The following KMT5B variants were observed in gnomAD, a reference collection of about 807,000 sequenced individuals.
The protein encoded by KMT5B is histone-lysine N-methyltransferase KMT5B.
KMT5B carries 10 observed loss-of-function variants against 83.2 expected under a neutral mutation model. The ratio of observed to expected loss-of-function variants is 0.12; its 90% confidence interval spans 0.07 to 0.20. KMT5B has a LOEUF of 0.20. Among genes scored for constraint, KMT5B ranks in the 10% least tolerant of loss-of-function variants. The probability of loss-of-function intolerance (pLI) is 1.00; values close to 1 mark genes in which losing one functional copy is unlikely to be tolerated. For synonymous variants in KMT5B, 349 were observed against 388.8 expected, an observed-to-expected ratio of 0.90 and a Z score of 1.20; for missense variants, 753 against 1,067.2, an observed-to-expected ratio of 0.71 and a Z score of 4.10.
Position 68,158,867 on chromosome 11 carries a change from A to G in KMT5B, c.1479T>C (p.Asp493=). The change falls in exon 11 of 11, where the codon GAT becomes GAC. Residue 493 remains aspartate (D), a synonymous_variant. Transcript: ENST00000304363. ...VLYKNLPIKK[D]KEPEGPAQAA... The stretch of plus-strand genomic sequence containing the variant: ...CTTGGGCTGGTCCCTCTGGCTCCTT[A>G]TCTTTTTTAATGGGCAAATTTTTAT... The G allele has an allele frequency of 6.2e-7, 1 of 1,614,098 alleles. No individual in the cohort carries two copies. The highest frequency in any genetic ancestry group is 8.5e-7 in the Non-Finnish European group (1 of 1,180,042).
Position 68,166,853 on chromosome 11 carries a change from G to A in KMT5B, c.1174+129C>T, listed in dbSNP as rs146916237. 79 of 1,473,934 alleles carry A rather than the reference G, an allele frequency of 5.4e-5. No individual in the cohort carries two copies. The African/African-American group carries it at 9.6e-4, about 18-fold the overall frequency. 91.3% of individuals were successfully genotyped at this position (1,473,934 alleles called of 1,614,324 possible). Reference sequence around the variant, plus strand: ...CAAATCACGTCTAGAGCCTTGAAGTGCAGCCAAAGCTCACAAGTCCCAGTC... The same window carrying A: ...CAAATCACGTCTAGAGCCTTGAAGTACAGCCAAAGCTCACAAGTCCCAGTC... On this transcript the variant is annotated intron_variant, in intron 10 of 10. Transcript: ENST00000304363.
At chr11:68,170,792 A>G (rs1451370847) in intron 9 of KMT5B, among the ~76,000 whole-genome samples, 1 of 152,160 alleles carries the variant, frequency 6.6e-6, no homozygotes, top group East Asian at 1.9e-4. Context: ...TGGTAATATT[A>G]AGATTTTAAA....
intron 10 of KMT5B, among the ~76,000 whole-genome samples, chr11:68,165,183 C>T (rs548146564): frequency 2.0e-5 from 3 of 152,256 alleles, no homozygotes; most frequent in Admixed American, 6.5e-5. Flanking sequence ...GATGGCAGCA[C>T]GAACCTAAGT....
chr11:68,161,620 A>G (rs1854877682), intron 10 of KMT5B, among the ~76,000 whole-genome samples: 1 of 151,706 alleles, frequency 6.6e-6, no homozygotes, highest in African/African-American at 2.4e-5. Flanking sequence ...CCCAGCACAC[A>G]CTCCTCAGCC....
In KMT5B at chr11:68,175,066, G is replaced by A. The variant is rs745536937; in HGVS notation, c.495C>T (p.His165=). 2.5e-6 allele frequency: 4 copies of A among 1,613,966 alleles called. No individual in the cohort carries two copies. In the South Asian group the frequency reaches 4.4e-5, roughly 18 times the overall value. ...GCATTTTATTCTTGTTGAGAAAATAGTGCCGTGCCCATTCGCCTGAAGTCA... is the reference window on the plus strand; with the variant it reads ...GCATTTTATTCTTGTTGAGAAAATAATGCCGTGCCCATTCGCCTGAAGTCA... ...KCLTSGEWAR[H]YFLNKNKMQE... Residue 165 remains histidine (H), a synonymous_variant, in exon 5 of 11, where the codon CAC becomes CAT. Coordinates refer to ENST00000304363, the MANE Select transcript of KMT5B (RefSeq NM_017635.5).
intron 6 of KMT5B, among the ~76,000 whole-genome samples, chr11:68,172,918 G>A (rs866422491): frequency 9.2e-5 from 14 of 152,154 alleles, no homozygotes; most frequent in Admixed American, 3.9e-4. Context: ...AATATCAGAG[G>A]GTGGGTACAT....
intron 9 of KMT5B, 60 bp downstream of exon 9, chr11:68,170,954 TC>T: frequency 6.7e-7 from 1 of 1,484,776 alleles, no homozygotes; most frequent in Admixed American, 2.5e-5. Context: ...GTGAGTTTAA[TC>T]CCCATAATCA....
At chr11:68,169,992 C>T (rs569909337) in intron 9 of KMT5B, among the ~76,000 whole-genome samples, 31 of 152,302 alleles carry the variant, frequency 2.0e-4, no homozygotes, top group Middle Eastern at 3.4e-3. Context: ...GGGATGGCTA[C>T]GGTAGCACTG....
At chr11:68,194,488 C>T (rs571476480) in intron 1 of KMT5B, among the ~76,000 whole-genome samples, 13 of 152,208 alleles carry the variant, frequency 8.5e-5, no homozygotes, top group Admixed American at 2.6e-4. Flanking sequence ...CCATTGTGCC[C>T]GGCCAAGTGT....
upstream of KMT5B, chr11:68,213,609 C>T (rs1398340074): frequency 2.0e-5 from 3 of 153,694 alleles, no homozygotes; most frequent in East Asian, 1.9e-4. Context: ...TGCCCTGCCG[C>T]CCGCACCGCC....
intron 1 of KMT5B, among the ~76,000 whole-genome samples, 169 bp downstream of exon 1, chr11:68,212,969 A>G (rs1159380479): frequency 5.8e-5 from 7 of 120,526 alleles, no homozygotes; most frequent in African/African-American, 2.2e-4. Context: ...GCCCGGCCGC[A>G]GCCCCGCCCC....
At position 68,158,419 on chromosome 11, in the gene KMT5B, G is replaced by A. The variant is rs1859457405; in HGVS notation, c.1927C>T (p.Pro643Ser). ...HDSPGKDDAV[P>S]DLMGPHSDQG... ...TCAGAATGGGGACCCATCAAATCTGGTACCGCGTCGTCTTTTCCAGGAGAA... is the reference window on the plus strand; with the variant it reads ...TCAGAATGGGGACCCATCAAATCTGATACCGCGTCGTCTTTTCCAGGAGAA... The change falls in exon 11 of 11, where the codon CCA (proline) becomes TCA (serine). Residue 643 changes from proline to serine, a missense_variant. This residue lies in a region of KMT5B where 397 missense variants were observed against 395.9 expected (regional missense o/e 1.00). Transcript: ENST00000304363. 1 of 1,614,068 alleles carries A rather than the reference G, an allele frequency of 6.2e-7. No individual in the cohort carries two copies. The highest frequency in any genetic ancestry group is 8.5e-7 in the Non-Finnish European group (1 of 1,179,980).
In KMT5B at chr11:68,173,845, T is replaced by A; in HGVS notation, c.612A>T (p.Ser204=). The change falls in exon 6 of 11, where the codon TCA becomes TCT. Residue 204 remains serine, a synonymous_variant. Transcript: ENST00000304363. Reference sequence around the variant, plus strand: ...CTATTTTGGCTCCATTTTGTTCTGATGAGTATCTATTACATGGCAATATTT... The same window carrying A: ...CTATTTTGGCTCCATTTTGTTCTGAAGAGTATCTATTACATGGCAATATTT... ...GFEILPCNRY[S]SEQNGAKIVA... 1 of 1,613,080 alleles carries A rather than the reference T, an allele frequency of 6.2e-7. No individual in the cohort carries two copies. The highest frequency in any genetic ancestry group is 1.1e-5 in the South Asian group (1 of 90,832).
intron 5 of KMT5B, chr11:68,174,182 A>T: frequency 1.8e-6 from 1 of 552,680 alleles, no homozygotes; most frequent in South Asian, 1.6e-5. Context: ...ACTGCACTCC[A>T]GCCTGGGTGA....
At chr11:68,182,767 G>A (rs539806463) in intron 3 of KMT5B, among the ~76,000 whole-genome samples, 161 of 138,328 alleles carry the variant, frequency 1.2e-3, no homozygotes, top group East Asian at 4.8e-3. Context: ...ACTGAGTTTC[G>A]CTCTTGTTGC....
intron 1 of KMT5B, among the ~76,000 whole-genome samples, chr11:68,191,639 G>A (rs1024177628): frequency 1.3e-5 from 2 of 151,990 alleles, no homozygotes; most frequent in Non-Finnish European, 2.9e-5. Context: ...TGGCCAGAAT[G>A]TATTTTTGTA....
chr11:68,191,946 C>A (rs1858131791), intron 1 of KMT5B, among the ~76,000 whole-genome samples: 2 of 152,124 alleles, frequency 1.3e-5, no homozygotes, highest in African/African-American at 4.8e-5. Context: ...ATTTTAAAAT[C>A]TTTTATTCTG....
rs574871431 is a variant in KMT5B, at chr11:68,188,182, G to A, written c.160+1735C>T. 4.6e-5 allele frequency among the ~76,000 whole-genome samples: 7 copies of A among 151,508 alleles called. No homozygotes were observed. In the East Asian group the frequency reaches 1.2e-3, roughly 25 times the overall value. ...TGGGACTACAGGCACCTGCCACCACGCCCAGCTGATTTTTTGTATTTTTAG... is the reference window on the plus strand; with the variant it reads ...TGGGACTACAGGCACCTGCCACCACACCCAGCTGATTTTTTGTATTTTTAG... On this transcript the variant is annotated intron_variant, in intron 2 of 10. Coordinates refer to ENST00000304363, the MANE Select transcript of KMT5B (RefSeq NM_017635.5).
intron 5 of KMT5B, among the ~76,000 whole-genome samples, chr11:68,174,621 T>C (rs904655421): frequency 4.6e-5 from 7 of 152,116 alleles, no homozygotes; most frequent in Non-Finnish European, 8.8e-5. Flanking sequence ...CTCTAACTCT[T>C]GGGCACAAGC....
Sources: allele counts gnomAD v4.1 joint callset (sites outside exome capture counted in the v4.1 genomes callset), GRCh38; gene constraint gnomAD v4.1.1; regional missense constraint gnomAD v4.1.1; transcripts MANE v1.5; gene names NCBI Gene and HGNC (gene_info 2026-07-23, HGNC 2026-07-21).